Variants in NAPB observed in about 807,000 individuals in gnomAD.
NAPB encodes the protein NSF attachment protein beta, also known as beta-soluble NSF attachment protein.
A neutral mutation model predicts 44.7 loss-of-function variants in NAPB; 26 were observed. That is an observed-to-expected ratio of 0.58 (90% CI 0.43 to 0.81). The LOEUF (loss-of-function observed/expected upper bound fraction) is 0.81. NAPB is among the 30% of genes least tolerant of loss of function. NAPB has a pLI of 0.00. For missense variants in NAPB, 315 were observed against 356.4 expected (o/e 0.88, Z 0.94); for synonymous variants, 120 against 116.8 (o/e 1.03, Z -0.18).
At chr20:23,379,812 T>A in intron 9 of NAPB, 55 bp downstream of exon 9, 4 of 1,323,968 alleles carry the variant, frequency 3.0e-6, no homozygotes, top group Non-Finnish European at 4.3e-6. Context: ...CCCACTTAGG[T>A]GTTGTCACCT....
intron 7 of NAPB, among the ~76,000 whole-genome samples, chr20:23,386,262 A>G (rs1983514061): frequency 6.6e-6 from 1 of 152,236 alleles, no homozygotes; most frequent in Non-Finnish European, 1.5e-5. Context: ...CCAGAAAAAG[A>G]GCAAAACAAA....
chr20:23,413,347 T>C (rs1023290341), intron 1 of NAPB, among the ~76,000 whole-genome samples: 5 of 152,112 alleles, frequency 3.3e-5, no homozygotes, highest in African/African-American at 1.2e-4. Context: ...ATAAAAACAT[T>C]ATGTAACAGG....
chr20:23,400,245 G>A (rs1042616959), intron 2 of NAPB, among the ~76,000 whole-genome samples: 2 of 152,170 alleles, frequency 1.3e-5, no homozygotes, highest in South Asian at 2.1e-4. Flanking sequence ...GTGTTGGGCC[G>A]GGCACAGTGG....
At chr20:23,395,640 A>G (rs1984303461) in intron 3 of NAPB, among the ~76,000 whole-genome samples, 1 of 152,216 alleles carries the variant, frequency 6.6e-6, no homozygotes, top group South Asian at 2.1e-4. Context: ...CTCTCCATGC[A>G]GCCAAAAGCA....
chr20:23,385,320 A>C (rs1357715785), intron 7 of NAPB, among the ~76,000 whole-genome samples: 1 of 152,184 alleles, frequency 6.6e-6, no homozygotes, highest in African/African-American at 2.4e-5. Context: ...TTATGTAATG[A>C]TAAAAGGGTC....
intron 1 of NAPB, among the ~76,000 whole-genome samples, chr20:23,403,834 T>C (rs8123327): frequency 6.6e-6 from 1 of 152,188 alleles, no homozygotes; most frequent in African/African-American, 2.4e-5. Flanking sequence ...ACTATGTTTA[T>C]TCAGAAGCCA....
chr20:23,382,137 C>T (rs1983059937), intron 7 of NAPB, among the ~76,000 whole-genome samples: 1 of 152,142 alleles, frequency 6.6e-6, no homozygotes, highest in African/African-American at 2.4e-5. Context: ...AAGACTCTCA[C>T]CATACCAAGA....
chr20:23,421,225 A>T, intron 1 of NAPB, 80 bp downstream of exon 1: 1 of 1,235,204 alleles, frequency 8.1e-7, no homozygotes, highest in Non-Finnish European at 1.1e-6. Context: ...TGCGTGGGGG[A>T]CTCGGGGGGT....
At chr20:23,385,826 G>A (rs1448546782) in intron 7 of NAPB, among the ~76,000 whole-genome samples, 4 of 152,060 alleles carry the variant, frequency 2.6e-5, no homozygotes, top group Non-Finnish European at 5.9e-5. Flanking sequence ...TAAAGAACTC[G>A]ACAATGCCAT....
chr20:23,413,766 G>A (rs1374840456), intron 1 of NAPB, among the ~76,000 whole-genome samples: 1 of 151,944 alleles, frequency 6.6e-6, no homozygotes, highest in Non-Finnish European at 1.5e-5. Flanking sequence ...TACCAAAATT[G>A]ACCTCAGTAG....
intron 1 of NAPB, among the ~76,000 whole-genome samples, chr20:23,412,035 C>T (rs1024299352): frequency 6.6e-6 from 1 of 152,140 alleles, no homozygotes; most frequent in Admixed American, 6.5e-5. Context: ...CCAAACAAAT[C>T]AAGCAGCTCT....
At position 23,375,528 on chromosome 20, in the gene NAPB, C is replaced by T. The variant is rs947740845; in HGVS notation, c.*1848G>A. 3 of 152,290 alleles carry T rather than the reference C, an allele frequency of 2.0e-5. No individual in the cohort carries two copies. The highest frequency in any genetic ancestry group is 2.1e-4 in the South Asian group (1 of 4,830). 9.4% of individuals were successfully genotyped at this position (152,290 alleles called of 1,614,324 possible). ...TATATTATTAGGTGGGGAAACAAAA[C>T]CCCACTTTTCTCTCTGATCATTTTT... On this transcript the variant is annotated 3_prime_UTR_variant, in exon 11 of 11. Coordinates refer to ENST00000377026, the MANE Select transcript of NAPB (RefSeq NM_022080.3).
intron 5 of NAPB, among the ~76,000 whole-genome samples, chr20:23,390,606 T>C (rs2123171754): frequency 6.6e-6 from 1 of 152,326 alleles, no homozygotes; most frequent in Middle Eastern, 3.4e-3. Flanking sequence ...ATATCTCACT[T>C]TGCATCCTCC....
intron 8 of NAPB, among the ~76,000 whole-genome samples, chr20:23,380,172 A>G (rs1982880089): frequency 6.6e-6 from 1 of 152,270 alleles, no homozygotes; most frequent in Admixed American, 6.5e-5. Context: ...AAGACATTGT[A>G]AATGAAAATG....
chr20:23,412,699 T>C (rs1369399803), intron 1 of NAPB, among the ~76,000 whole-genome samples: 1 of 152,162 alleles, frequency 6.6e-6, no homozygotes, highest in Admixed American at 6.5e-5. Flanking sequence ...CAAAATTTGA[T>C]AAGAAAATAT....
chr20:23,396,948 C>T, intron 3 of NAPB, 124 bp downstream of exon 3: 2 of 1,054,738 alleles, frequency 1.9e-6, no homozygotes, highest in Middle Eastern at 2.4e-4. Flanking sequence ...TCTATTATTC[C>T]AAAATACAAA....
chr20:23,391,474 C>T (rs6076068), intron 5 of NAPB, among the ~76,000 whole-genome samples: 1 of 152,142 alleles, frequency 6.6e-6, no homozygotes, highest in African/African-American at 2.4e-5. Context: ...GGTAGACAGC[C>T]TTAGAAATAA....
At chr20:23,415,707 A>G (rs1368983198) in intron 1 of NAPB, among the ~76,000 whole-genome samples, 2 of 152,238 alleles carry the variant, frequency 1.3e-5, no homozygotes, top group Non-Finnish European at 2.9e-5. Flanking sequence ...AACACCTGTA[A>G]TCGCAGCACT....
chr20:23,390,336 G>A lies in NAPB; in HGVS notation c.421-72C>T. 4 of 1,297,758 alleles carry A rather than the reference G, an allele frequency of 3.1e-6. No homozygotes were observed. The South Asian group carries it at 3.7e-5, about 12-fold the overall frequency. The allele number at this position is 1,297,758 out of a possible 1,614,324, so 80.4% of individuals were successfully genotyped here. A position where few individuals can be genotyped will look rare whatever the true frequency, so the allele number is the denominator to read the frequency against. On this transcript the variant is annotated intron_variant, in intron 5 of 10. Coordinates refer to ENST00000377026, the MANE Select transcript of NAPB (RefSeq NM_022080.3). Reference sequence around the variant, plus strand: ...GCATTTTAAAACTACATTTGCATAGGTATTTTTCCATAAATAAACCTACTC... The same window carrying A: ...GCATTTTAAAACTACATTTGCATAGATATTTTTCCATAAATAAACCTACTC...
Sources: gnomAD v4.1 joint callset for allele counts (sites outside exome capture counted in the v4.1 genomes callset) on GRCh38, gnomAD v4.1.1 for gene constraint, MANE v1.5 for transcripts, NCBI Gene and HGNC (gene_info 2026-07-23, HGNC 2026-07-21) for gene names.